Variants in MESP1 observed in about 807,000 individuals in gnomAD.
MESP1 encodes mesoderm posterior protein 1.
A neutral mutation model predicts 15.2 loss-of-function variants in MESP1; 22 were observed. That is an observed-to-expected ratio of 1.45 (90% CI 1.04 to 2.07). The LOEUF (loss-of-function observed/expected upper bound fraction) is 2.07. Among genes scored for constraint, MESP1 ranks in the 30% most tolerant of loss-of-function variants. The probability of loss-of-function intolerance (pLI) is 0.00; values close to 1 mark genes in which losing one functional copy is unlikely to be tolerated. For missense variants in MESP1, 484 were observed against 411.9 expected (o/e 1.17, Z -1.51); for synonymous variants, 216 against 192.6 (o/e 1.12, Z -1.01).
the MESP1 span, chr15:89,737,696 G>A: frequency 1.2e-6 from 2 of 1,614,050 alleles, no homozygotes; most frequent in African/African-American, 1.3e-5. Context: ...AGTGTTTGCT[G>A]TGTCTCCAGA....
At chr15:89,740,650 C>T in the MESP1 span, among the ~76,000 whole-genome samples, 3 of 152,022 alleles carry the variant, frequency 2.0e-5, no homozygotes, top group East Asian at 3.9e-4. Flanking sequence ...TACAGGCATG[C>T]GCCACCACGC....
the MESP1 span, among the ~76,000 whole-genome samples, chr15:89,739,325 C>G: frequency 6.6e-6 from 1 of 152,160 alleles, no homozygotes; most frequent in Non-Finnish European, 1.5e-5. Context: ...ACAGCATGAC[C>G]TATAAAGTCT....
rs1005321660 is a variant in MESP1, at chr15:89,750,803, G to A, written c.429C>T (p.Ser143=). The change falls in exon 1 of 2, where the codon AGC becomes AGT. Residue 143 remains serine, a synonymous_variant. Transcript: ENST00000300057. ...GGCACCGGCGCTGGAGACTCTCCTC[G>A]CTGAGGCCTAGCACGGCCGACAGGT... ...IGHLSAVLGL[S]EESLQRRCRQ... is the part of the protein sequence containing the mutation. 1 of 1,525,612 alleles carries A rather than the reference G, an allele frequency of 6.6e-7. No individual in the cohort carries two copies. The highest frequency in any genetic ancestry group is 8.8e-7 in the Non-Finnish European group (1 of 1,142,602). 94.5% of individuals were successfully genotyped at this position (1,525,612 alleles called of 1,614,324 possible).
the MESP1 span, among the ~76,000 whole-genome samples, chr15:89,735,072 C>T: frequency 4.0e-3 from 606 of 150,936 alleles, 2 homozygotes; most frequent in African/African-American, 0.014. Context: ...GTTTGAGACA[C>T]GGTCTCACTC....
chr15:89,744,064 C>T, the MESP1 span, among the ~76,000 whole-genome samples: 1 of 152,176 alleles, frequency 6.6e-6, no homozygotes, highest in Admixed American at 6.5e-5. Context: ...ACGGAGGGGT[C>T]CCCAGCAGCC....
chr15:89,740,662 C>T, the MESP1 span, among the ~76,000 whole-genome samples: 3 of 151,804 alleles, frequency 2.0e-5, no homozygotes, highest in Admixed American at 1.3e-4. Context: ...CCACCACGCC[C>T]GGCTAATTTT....
At chr15:89,747,880 G>A (rs1223915908), downstream of MESP1, among the ~76,000 whole-genome samples, 1 of 152,222 alleles carries the variant, frequency 6.6e-6, no homozygotes, top group Non-Finnish European at 1.5e-5. Flanking sequence ...ACTGTTGTCG[G>A]CTCTGTGAAC....
downstream of MESP1, among the ~76,000 whole-genome samples, chr15:89,747,280 G>A (rs1174193308): frequency 1.3e-5 from 2 of 152,198 alleles, no homozygotes; most frequent in African/African-American, 4.8e-5. Context: ...GCTTCTGCCT[G>A]TAAAACAGAG....
At chr15:89,740,240 G>A in the MESP1 span, among the ~76,000 whole-genome samples, 1 of 152,146 alleles carries the variant, frequency 6.6e-6, no homozygotes, top group Admixed American at 6.5e-5. Flanking sequence ...ACCACTAGGT[G>A]GCACCATAGC....
At chr15:89,746,427 C>CGCATCCACACCTCCACACA (rs1397796194), downstream of MESP1, among the ~76,000 whole-genome samples, 1 of 142,948 alleles carries the variant, frequency 7.0e-6, no homozygotes, top group Non-Finnish European at 1.5e-5. Context: ...ACATCCACAC[C>CGCATCCACACCTCCACACA]GCATCCACAC....
chr15:89,749,002 G>A (rs1223026263), downstream of MESP1: 1 of 152,198 alleles, frequency 6.6e-6, no homozygotes, highest in East Asian at 1.9e-4. Context: ...GAGGGTAAAG[G>A]ACGCTTGGCA....
chr15:89,745,721 G>A (rs138326843), downstream of MESP1, among the ~76,000 whole-genome samples: 650 of 152,002 alleles, frequency 4.3e-3, 8 homozygotes, highest in African/African-American at 0.015. This position sits in a 1 kb window ranked among gnomAD's most constrained non-coding sequence, Gnocchi z 4.8. Context: ...CCAAGAACAC[G>A]CCACTGCCCT....
rs761691327 is a variant in MESP1 at position 89,750,220 on chromosome 15, G to A, written c.731C>T (p.Pro244Leu). The A allele has an allele frequency of 5.0e-6, 8 of 1,613,880 alleles. No homozygotes were observed. The highest frequency in any genetic ancestry group is 2.7e-5 in the African/African-American group (2 of 74,946). The change falls in exon 2 of 2, where the codon CCG (proline) becomes CTG (leucine). Residue 244 changes from proline to leucine, a missense_variant. Physicochemically the swap from Pro to Leu is moderately conservative, Grantham distance 98 (BLOSUM62 -3). Transcript: ENST00000300057. Reference sequence around the variant, plus strand: ...CTCCAACAGAGCCAGCACGTCGCCCGGAAGGAGCTGTAGGGAGAGACGGAA... The same window carrying A: ...CTCCAACAGAGCCAGCACGTCGCCCAGAAGGAGCTGTAGGGAGAGACGGAA... ...MEPSPPSPLL[P>L]GDVLALLETW...
the MESP1 span, among the ~76,000 whole-genome samples, chr15:89,742,941 A>C: frequency 6.6e-6 from 1 of 152,244 alleles, no homozygotes; most frequent in Non-Finnish European, 1.5e-5. Flanking sequence ...TAATGTCCTC[A>C]ATAGTCATCC....
Position 89,750,732 on chromosome 15 carries a change from G to A in MESP1, c.500C>T (p.Pro167Leu), listed in dbSNP as rs762320938. Reference sequence around the variant, plus strand: ...CTGCATCTGCGCGGGGCAGTCGTCGGGGCACAGCGGGCAGCCCCGAGGGGA... The same window carrying A: ...CTGCATCTGCGCGGGGCAGTCGTCGAGGCACAGCGGGCAGCCCCGAGGGGA... ...AGSPRGCPLC[P>L]DDCPAQMQTR... The change falls in exon 1 of 2, where the codon CCC (proline) becomes CTC (leucine). Residue 167 changes from proline (P) to leucine (L), a missense_variant. Physicochemically the swap from Pro to Leu is moderately conservative, Grantham distance 98 (BLOSUM62 -3). Transcript: ENST00000300057. 9.8e-6 allele frequency: 14 copies of A among 1,421,864 alleles called. No homozygotes were observed. In the East Asian group the frequency reaches 2.9e-4, roughly 29 times the overall value. The allele number at this position is 1,421,864 out of a possible 1,614,324, so 88.1% of individuals were successfully genotyped here. A position where few individuals can be genotyped will look rare whatever the true frequency, so the allele number is the denominator to read the frequency against.
Position 89,751,040 on chromosome 15 carries a change from GGGGTCCCGGA to G in MESP1, c.182_191del (p.Leu61ProfsTer6). Reference sequence around the variant, plus strand: ...CGCGCCTACCTACGGAGGGGGCGCGGGGGTCCCGGAGGGTGCCTGGCCGCGCGGGGCTCGC... The same window carrying G: ...CGCGCCTACCTACGGAGGGGGCGCGGGGGTGCCTGGCCGCGCGGGGCTCGC... On this transcript the variant is annotated frameshift_variant, in exon 1 of 2. Transcript: ENST00000300057. LOFTEE classifies it high-confidence loss of function. 2 of 1,346,500 alleles carry G rather than the reference GGGGTCCCGGA, an allele frequency of 1.5e-6. No homozygotes were observed. The highest frequency in any genetic ancestry group is 3.9e-5 in the South Asian group (2 of 51,298). 83.4% of individuals were successfully genotyped at this position (1,346,500 alleles called of 1,614,324 possible).
chr15:89,737,716 T>C, the MESP1 span: 1 of 1,614,210 alleles, frequency 6.2e-7, no homozygotes, highest in Non-Finnish European at 8.5e-7. Context: ...ACCATCCATG[T>C]TTCCTGCTCC....
At chr15:89,745,276 T>A (rs532458862), downstream of MESP1, among the ~76,000 whole-genome samples, 220 of 152,172 alleles carry the variant, frequency 1.4e-3, 1 homozygote, top group African/African-American at 5.1e-3. The surrounding 1 kb of genome is among the most constrained non-coding windows in gnomAD (Gnocchi z 4.8). Context: ...GCGTCTTATG[T>A]GCCAGGTCCC....
rs1968053785 is a variant in MESP1 at position 89,750,161 on chromosome 15, G to GCAGC, written c.786_789dup (p.Pro264AlafsTer3). 1 of 1,613,402 alleles carries GCAGC rather than the reference G, an allele frequency of 6.2e-7. No individual in the cohort carries two copies. On this transcript the variant is annotated frameshift_variant, in exon 2 of 2. Coordinates refer to ENST00000300057, the MANE Select transcript of MESP1 (RefSeq NM_018670.4). LOFTEE classifies it high-confidence loss of function. ...GTCCCTTGTCACTTGGGCTCCTCAG[G>GCAGC]CAGCCACTCCAGAGGCGAGAGGGGC...
Sources: gnomAD v4.1 joint callset for allele counts (sites outside exome capture counted in the v4.1 genomes callset) on GRCh38, gnomAD v4.1.1 for gene constraint, Gnocchi (gnomAD v3.1) non-coding constraint, MANE v1.5 for transcripts, NCBI Gene and HGNC (gene_info 2026-07-23, HGNC 2026-07-21) for gene names.